The following KPNB1 variants were observed in gnomAD, a reference collection of about 807,000 sequenced individuals.
The protein encoded by KPNB1 is importin subunit beta-1.
KPNB1 carries 7 observed loss-of-function variants against 113.0 expected under a neutral mutation model. The ratio of observed to expected loss-of-function variants is 0.06; its 90% CI spans 0.04 to 0.12. The LOEUF (loss-of-function observed/expected upper bound fraction) is 0.12, where lower values mean the gene tolerates loss of function less well. Among genes scored for constraint, KPNB1 ranks in the 10% least tolerant of loss-of-function variants. The pLI is 1.00. For synonymous variants in KPNB1, 363 were observed against 378.6 expected, an observed-to-expected ratio of 0.96 and a Z score of 0.48; for missense variants, 400 against 1,054.8, an observed-to-expected ratio of 0.38 and a Z score of 8.60.
chr17:47,676,898 T>A, intron 16 of KPNB1, 122 bp from the exon 17 acceptor site: 1 of 645,216 alleles, frequency 1.5e-6, no homozygotes. Flanking sequence ...GAAAAATTAA[T>A]CTCGGCAGAG....
intron 15 of KPNB1, among the ~76,000 whole-genome samples, chr17:47,675,358 G>GTTTTTTT (rs1555619221): frequency 1.0e-4 from 9 of 88,858 alleles, no homozygotes; most frequent in African/African-American, 1.3e-4. Flanking sequence ...TGGCAGAGGT[G>GTTTTTTT]TTGTTTTTTT....
chr17:47,676,746 TAGAC>T (rs1207825899), intron 16 of KPNB1, among the ~76,000 whole-genome samples: 2 of 151,320 alleles, frequency 1.3e-5, no homozygotes, highest in Non-Finnish European at 2.9e-5. Context: ...TTTATTTGCT[TAGAC>T]AGTACTAATG....
chr17:47,661,672 G>T (rs2030101436), intron 6 of KPNB1, among the ~76,000 whole-genome samples: 1 of 151,988 alleles, frequency 6.6e-6, no homozygotes, highest in Non-Finnish European at 1.5e-5. Flanking sequence ...GGTTTAAGGT[G>T]CCAGTGTGGT....
chr17:47,649,999 G>C lies in KPNB1; in HGVS notation c.-246G>C. ...CCTCCCGAGCACCAGCGCGCTCTGA[G>C]CTGCCCCCAGGGTCCCTCCCCCGCC... On this transcript the variant is annotated 5_prime_UTR_variant, in exon 1 of 22. Coordinates refer to ENST00000290158, the MANE Select transcript of KPNB1 (RefSeq NM_002265.6). 3 of 1,352,954 alleles carry C rather than the reference G, an allele frequency of 2.2e-6. No homozygotes were observed. The highest frequency in any genetic ancestry group is 1.9e-6 in the Non-Finnish European group (2 of 1,058,190). 83.8% of individuals were successfully genotyped at this position (1,352,954 alleles called of 1,614,324 possible). A position where few individuals can be genotyped will look rare whatever the true frequency, so the allele number is the denominator to read the frequency against.
intron 4 of KPNB1, among the ~76,000 whole-genome samples, chr17:47,658,299 A>G (rs971681592): frequency 6.6e-6 from 1 of 152,194 alleles, no homozygotes; most frequent in Non-Finnish European, 1.5e-5. Flanking sequence ...ATTCAATGTA[A>G]ATGCTATATT....
At chr17:47,650,547 C>G in intron 2 of KPNB1, 103 bp downstream of exon 2, 2 of 876,148 alleles carry the variant, frequency 2.3e-6, no homozygotes, top group Non-Finnish European at 3.6e-6. Flanking sequence ...CTACCCCGCC[C>G]CATCCCGTCC....
intron 3 of KPNB1, among the ~76,000 whole-genome samples, chr17:47,654,247 T>G (rs1466793437): frequency 6.6e-6 from 1 of 152,048 alleles, no homozygotes; most frequent in African/African-American, 2.4e-5. Context: ...AAACCCTGTC[T>G]CTACTAAAAA....
rs1325520749 is a variant in KPNB1, at chr17:47,651,511, A to G, written c.99+1067A>G. 1.7e-5 allele frequency: 4 copies of G among 232,838 alleles called. No homozygotes were observed. The Admixed American group carries it at 2.0e-4, about 11-fold the overall frequency. 14.4% of individuals were successfully genotyped at this position (232,838 alleles called of 1,614,324 possible). On this transcript the variant is annotated intron_variant, in intron 2 of 21. Transcript: ENST00000290158. ...TTGAATGATTTTTTTGTTGTTTTTC[A>G]TATGTGCCAATTTTTACAACTAACC...
At chr17:47,666,554 T>C (rs910930434) in intron 9 of KPNB1, among the ~76,000 whole-genome samples, 2 of 47,110 alleles carry the variant, frequency 4.2e-5, no homozygotes, top group African/African-American at 9.5e-5. Flanking sequence ...TATTATATAT[T>C]ATGTTATATG....
rs887994119 is a variant in KPNB1, at chr17:47,668,493, CTG to C, written c.1224+85_1224+86del. On this transcript the variant is annotated intron_variant, in intron 10 of 21. Transcript: ENST00000290158. ...CATATCTTTATTTTTCAAAACAAAA[CTG>C]TAAATTGTCATCTACAAAGATTATC... 1.8e-5 allele frequency: 19 copies of C among 1,071,682 alleles called. No homozygotes were observed. In the African/African-American group the frequency reaches 3.0e-4, roughly 17 times the overall value. 66.4% of individuals were successfully genotyped at this position (1,071,682 alleles called of 1,614,324 possible). A position where few individuals can be genotyped will look rare whatever the true frequency, so the allele number is the denominator to read the frequency against.
At chr17:47,667,522 G>C (rs916021807) in intron 9 of KPNB1, among the ~76,000 whole-genome samples, 1 of 149,296 alleles carries the variant, frequency 6.7e-6, no homozygotes, top group African/African-American at 2.5e-5. Context: ...GTTAATTTTT[G>C]TTGATTTTGG....
intron 9 of KPNB1, 61 bp downstream of exon 9, chr17:47,665,219 G>A (rs2030232404): frequency 1.5e-6 from 2 of 1,347,410 alleles, no homozygotes; most frequent in African/African-American, 2.9e-5. Flanking sequence ...GTAAACTGTG[G>A]AAACTTTCCA....
chr17:47,669,629 A>G (rs1053601329), intron 10 of KPNB1, 49 bp from the exon 11 acceptor site: 2 of 1,399,622 alleles, frequency 1.4e-6, no homozygotes, highest in Admixed American at 1.7e-5. Context: ...AGTAGTTAAC[A>G]TGAATTTTAA....
chr17:47,670,361 C>T, intron 11 of KPNB1: 1 of 231,894 alleles, frequency 4.3e-6, no homozygotes, highest in Non-Finnish European at 8.7e-6. Flanking sequence ...TGAAAGTACT[C>T]TGCTGCTTAG....
chr17:47,653,954 A>G (rs1915649988), intron 3 of KPNB1, among the ~76,000 whole-genome samples: 1 of 152,234 alleles, frequency 6.6e-6, no homozygotes. Flanking sequence ...GCTAAGTGAC[A>G]TAAATGGAAG....
In KPNB1 at chr17:47,680,027, G is replaced by C. The variant is rs760610497; in HGVS notation, c.2361G>C (p.Val787=). Residue 787 remains valine, a synonymous_variant, in exon 20 of 22, where the codon GTG becomes GTC. Transcript: ENST00000290158. The part of the protein sequence containing the change: ...KGDQENVHPD[V]MLVQPRVEFI... ...CTTCTCTCTCTTTTATAGCGGATGT[G>C]ATGCTGGTACAACCCAGAGTAGAAT... 6.2e-7 allele frequency: 1 copy of C among 1,610,570 alleles called. No individual in the cohort carries two copies. The highest frequency in any genetic ancestry group is 8.5e-7 in the Non-Finnish European group (1 of 1,176,780).
intron 15 of KPNB1, among the ~76,000 whole-genome samples, chr17:47,675,366 T>C (rs921509188): frequency 8.8e-6 from 1 of 114,210 alleles, no homozygotes; most frequent in Non-Finnish European, 1.8e-5. Flanking sequence ...GTGTTGTTTT[T>C]TTTTTGTTTT....
chr17:47,654,316 TAGGC>T (rs1037683831), intron 3 of KPNB1, among the ~76,000 whole-genome samples: 5 of 151,306 alleles, frequency 3.3e-5, no homozygotes, highest in African/African-American at 1.2e-4. Flanking sequence ...TCTGGAGGCT[TAGGC>T]AGGAGAATTG....
At chr17:47,660,535 C>A (rs1469533670) in intron 5 of KPNB1, among the ~76,000 whole-genome samples, 2 of 152,198 alleles carry the variant, frequency 1.3e-5, no homozygotes, top group Admixed American at 1.3e-4. Flanking sequence ...GTTGACACTT[C>A]AGCTGGGTTT....
Sources: allele counts gnomAD v4.1 joint callset (sites outside exome capture counted in the v4.1 genomes callset), GRCh38; gene constraint gnomAD v4.1.1; transcripts MANE v1.5; gene names NCBI Gene and HGNC (gene_info 2026-07-23, HGNC 2026-07-21).